FAF1: variants seen among roughly 807,000 people sequenced by gnomAD.
FAF1 encodes the protein Fas associated factor 1.
A neutral mutation model predicts 92.5 loss-of-function variants in FAF1; 25 were observed. That is an observed-to-expected ratio of 0.27 (90% CI 0.20 to 0.38). The LOEUF (loss-of-function observed/expected upper bound fraction) is 0.38. Among genes scored for constraint, FAF1 ranks in the 10% least tolerant of loss-of-function variants. The pLI, the probability that FAF1 is intolerant of heterozygous loss-of-function variation, is 1.00. For synonymous variants in FAF1, 234 were observed against 273.2 expected (o/e 0.86, Z 1.42); for missense variants, 636 against 793.3 (o/e 0.80, Z 2.38).
chr1:50,573,568 T>C (rs1340224224), intron 12 of FAF1, among the ~76,000 whole-genome samples: 1 of 152,118 alleles, frequency 6.6e-6, no homozygotes, highest in Non-Finnish European at 1.5e-5. Flanking sequence ...GGTTGTATTG[T>C]GAAAAGAATC....
At chr1:50,614,120 C>A (rs982042795) in intron 8 of FAF1, among the ~76,000 whole-genome samples, 11 of 151,436 alleles carry the variant, frequency 7.3e-5, no homozygotes, top group African/African-American at 1.2e-4. Flanking sequence ...AAAACACACA[C>A]AAAAAAACCA....
intron 15 of FAF1, among the ~76,000 whole-genome samples, chr1:50,503,464 T>A (rs1647016471): frequency 6.6e-6 from 1 of 151,862 alleles, no homozygotes; most frequent in South Asian, 2.1e-4. Context: ...ACCAAAAATT[T>A]AAAACAATTA....
In FAF1 at chr1:50,724,306, C is replaced by CACACATACACACACACACACAT. The variant is rs764857214; in HGVS notation, c.551+14556_551+14557insATGTGTGTGTGTGTGTATGTGT. ...ACACACACACACACATACACACACA[C>CACACATACACACACACACACAT]ACACACACACACACACACACACACC... is the stretch of plus-strand genomic sequence containing the variant. On this transcript the variant is annotated intron_variant, in intron 6 of 18. Transcript: ENST00000396153. Among the ~76,000 whole-genome samples the CACACATACACACACACACACAT allele has an allele frequency of 2.1e-3, 299 of 145,252 alleles. 3 individuals are homozygous for CACACATACACACACACACACAT. The highest frequency in any genetic ancestry group is 7.0e-3 in the African/African-American group (271 of 38,452).
chr1:50,614,916 T>G (rs1324926926), intron 8 of FAF1, among the ~76,000 whole-genome samples: 1 of 152,164 alleles, frequency 6.6e-6, no homozygotes, highest in African/African-American at 2.4e-5. Context: ...GATTTATTTT[T>G]ATTTTTTAAA....
chr1:50,474,759 T>C (rs1450826840), intron 18 of FAF1, among the ~76,000 whole-genome samples: 1 of 152,242 alleles, frequency 6.6e-6, no homozygotes, highest in East Asian at 1.9e-4. Flanking sequence ...AATCTTATTT[T>C]TCATAATCTA....
At chr1:50,736,756 A>G (rs1164748240) in intron 6 of FAF1, among the ~76,000 whole-genome samples, 1 of 151,654 alleles carries the variant, frequency 6.6e-6, no homozygotes, top group East Asian at 1.9e-4. Flanking sequence ...CGTCTCCAAA[A>G]AAAGAAAGAA....
At chr1:50,922,907 A>T (rs1280931327) in intron 1 of FAF1, among the ~76,000 whole-genome samples, 1 of 152,038 alleles carries the variant, frequency 6.6e-6, no homozygotes, top group Non-Finnish European at 1.5e-5. Flanking sequence ...CATGAGACTA[A>T]CAAAAGAAAT....
chr1:50,637,528 T>A (rs929108561), intron 8 of FAF1, among the ~76,000 whole-genome samples: 3 of 151,872 alleles, frequency 2.0e-5, no homozygotes, highest in African/African-American at 7.3e-5. Flanking sequence ...CATACAATTT[T>A]TGGAATTAAT....
intron 8 of FAF1, among the ~76,000 whole-genome samples, chr1:50,634,606 G>T (rs1034641541): frequency 3.3e-5 from 5 of 152,176 alleles, no homozygotes; most frequent in Non-Finnish European, 7.4e-5. Context: ...TAACAAAAAA[G>T]AACCTGTTTG....
At chr1:50,482,834 A>G (rs1268133418) in intron 17 of FAF1, among the ~76,000 whole-genome samples, 1 of 152,130 alleles carries the variant, frequency 6.6e-6, no homozygotes, top group Non-Finnish European at 1.5e-5. Context: ...TATTTTGCTC[A>G]TTTTAATACT....
intron 8 of FAF1, among the ~76,000 whole-genome samples, chr1:50,650,284 CAAAAA>C (rs1213490969): frequency 5.9e-5 from 5 of 84,236 alleles, no homozygotes; most frequent in African/African-American, 1.8e-4. Context: ...AACTCTGTCT[CAAAAA>C]AAAAAAAAAA....
At chr1:50,545,017 C>T (rs777370528) in intron 13 of FAF1, among the ~76,000 whole-genome samples, 12 of 151,910 alleles carry the variant, frequency 7.9e-5, no homozygotes, top group Non-Finnish European at 1.5e-4. Flanking sequence ...TGGTAAAACA[C>T]ACACACACAC....
intron 13 of FAF1, among the ~76,000 whole-genome samples, chr1:50,549,670 G>T (rs1363839110): frequency 6.6e-6 from 1 of 152,116 alleles, no homozygotes; most frequent in African/African-American, 2.4e-5. Flanking sequence ...AGCTACTCGG[G>T]AGGCTGAGAC....
At chr1:50,552,051 T>C (rs1171083957) in intron 13 of FAF1, among the ~76,000 whole-genome samples, 1 of 152,038 alleles carries the variant, frequency 6.6e-6, no homozygotes, top group Non-Finnish European at 1.5e-5. Flanking sequence ...TCCCAGCACT[T>C]TGAGTTGCCA....
chr1:50,599,931 T>C (rs1652016481), intron 8 of FAF1, among the ~76,000 whole-genome samples: 1 of 152,178 alleles, frequency 6.6e-6, no homozygotes, highest in Non-Finnish European at 1.5e-5. Context: ...CAGTTGAGCA[T>C]CTCAAATCTA....
At chr1:50,723,824 C>G (rs112452014) in intron 6 of FAF1, among the ~76,000 whole-genome samples, 8,218 of 152,084 alleles carry the variant, frequency 0.054, 716 homozygotes, top group African/African-American at 0.19. Context: ...TCTTGGCTCA[C>G]TGCAACCTCC....
intron 18 of FAF1, among the ~76,000 whole-genome samples, chr1:50,455,584 T>C (rs75215302): frequency 0.025 from 3,737 of 152,258 alleles, 169 homozygotes; most frequent in African/African-American, 0.086. Flanking sequence ...GGGGCATGTA[T>C]TATCAACATC....
At chr1:50,815,531 G>A (rs1643960621) in intron 2 of FAF1, among the ~76,000 whole-genome samples, 1 of 152,078 alleles carries the variant, frequency 6.6e-6, no homozygotes, top group South Asian at 2.1e-4. Context: ...ACACATTTTG[G>A]TAGAAAGATG....
chr1:50,717,812 C>A (rs1035342032), intron 6 of FAF1, among the ~76,000 whole-genome samples: 8 of 152,054 alleles, frequency 5.3e-5, no homozygotes, highest in Non-Finnish European at 1.0e-4. Context: ...AACCAGCCTG[C>A]GCAACATAGC....
Sources: gnomAD v4.1 joint callset for allele counts (sites outside exome capture counted in the v4.1 genomes callset) on GRCh38, gnomAD v4.1.1 for gene constraint, MANE v1.5 for transcripts, NCBI Gene and HGNC (gene_info 2026-07-23, HGNC 2026-07-21) for gene names.